The following LIMK1 variants were observed in gnomAD, a reference collection of about 807,000 sequenced individuals.
LIMK1 encodes LIM motif-containing protein kinase.
In LIMK1, 21 loss-of-function variants were observed where a neutral mutation model predicts 77.6. The ratio of observed to expected loss-of-function variants is 0.27; its 90% CI spans 0.19 to 0.39. The LOEUF is 0.39. Among genes scored for constraint, LIMK1 ranks in the 10% least tolerant of loss-of-function variants. The pLI is 1.00. For synonymous variants in LIMK1, 358 were observed against 370.0 expected, an observed-to-expected ratio of 0.97 and a Z score of 0.37; for missense variants, 696 against 901.6, an observed-to-expected ratio of 0.77 and a Z score of 2.92.
At position 74,106,947 on chromosome 7, in the gene LIMK1, G is replaced by A. The variant is rs781856715; in HGVS notation, c.882-63G>A. On this transcript the variant is annotated intron_variant, in intron 7 of 15. Transcript: ENST00000336180. ...GGCATGCAGGCAGGAGGAGGAAGGG[G>A]CAGGGCCTTGGCCGGGTGCTACCTG... 3.2e-5 allele frequency: 46 copies of A among 1,440,220 alleles called. 1 individual carries two copies. Among genetic ancestry groups the A allele is most frequent in the Non-Finnish European group, 4.1e-5 (44 of 1,074,870 alleles). 89.2% of individuals were successfully genotyped at this position (1,440,220 alleles called of 1,614,324 possible).
intron 2 of LIMK1, chr7:74,093,992 A>C (rs1799289247): frequency 6.6e-6 from 1 of 152,288 alleles, no homozygotes; most frequent in Non-Finnish European, 1.5e-5. Context: ...AGCCCCAGCC[A>C]CTGAGCCACC....
chr7:74,111,856 G>A, intron 11 of LIMK1, 77 bp from the exon 12 acceptor site: 12 of 1,463,466 alleles, frequency 8.2e-6, no homozygotes, highest in Non-Finnish European at 1.1e-5. Flanking sequence ...TGGGAGCAGA[G>A]GGAGTTCCTG....
intron 2 of LIMK1, among the ~76,000 whole-genome samples, chr7:74,088,988 A>G (rs1233548876): frequency 6.6e-6 from 1 of 152,110 alleles, no homozygotes; most frequent in African/African-American, 2.4e-5. Context: ...GAGGATGGAG[A>G]GAATTTCAGG....
rs781886096 is a variant in LIMK1, at chr7:74,111,737, C to T, written c.1344+30C>T. The T allele has an allele frequency of 3.1e-5, 49 of 1,601,796 alleles. 1 individual carries two copies. In the South Asian group the frequency reaches 3.2e-4, roughly 11 times the overall value. ...GTGAGCCGGGTGCTCTAGCTCCATTCATAATCCCACCAGGAATTTGCAAAC... is the reference window on the plus strand; with the variant it reads ...GTGAGCCGGGTGCTCTAGCTCCATTTATAATCCCACCAGGAATTTGCAAAC... On this transcript the variant is annotated intron_variant, in intron 11 of 15. Transcript: ENST00000336180.
intron 9 of LIMK1, among the ~76,000 whole-genome samples, chr7:74,108,511 G>T (rs1554698035): frequency 6.6e-6 from 1 of 151,940 alleles, no homozygotes; most frequent in African/African-American, 2.4e-5. Flanking sequence ...CCAGCATGAT[G>T]GTGGTGAGTG....
intron 2 of LIMK1, chr7:74,093,123 G>T (rs535832571): frequency 5.2e-4 from 752 of 1,437,504 alleles, no homozygotes; most frequent in Non-Finnish European, 6.6e-4. Context: ...CCTGTGCGCT[G>T]CAGCCACGCT....
At chr7:74,086,433 C>T (rs1205446166) in intron 2 of LIMK1, among the ~76,000 whole-genome samples, 1 of 152,152 alleles carries the variant, frequency 6.6e-6, no homozygotes, top group East Asian at 1.9e-4. Flanking sequence ...CATCTCGGCT[C>T]ATTGCAACCT....
intron 12 of LIMK1, among the ~76,000 whole-genome samples, chr7:74,114,466 G>A (rs549670722): frequency 2.4e-4 from 36 of 151,088 alleles, no homozygotes; most frequent in Non-Finnish European, 3.4e-4. Context: ...TGGGAGGATC[G>A]CTTGAGCCTG....
rs782484475 is a variant in LIMK1 at position 74,121,291 on chromosome 7, T to A, written c.1934T>A (p.Val645Asp). 2.5e-6 allele frequency: 4 copies of A among 1,598,808 alleles called. No homozygotes were observed. Among genetic ancestry groups the A allele is most frequent in the Non-Finnish European group, 3.4e-6 (4 of 1,174,814 alleles). The change falls in exon 16 of 16, where the codon GTC (valine) becomes GAC (aspartate). Residue 645 changes from valine (V) to aspartate (D), a missense_variant. Transcript: ENST00000336180. ...GESGLPAHPE[V>D]PD Reference sequence around the variant, plus strand: ...AGCGGACTGCCTGCCCACCCTGAGGTCCCCGACTGAGCCAGGGCCACTCAG... The same window carrying A: ...AGCGGACTGCCTGCCCACCCTGAGGACCCCGACTGAGCCAGGGCCACTCAG...
intron 3 of LIMK1, 85 bp downstream of exon 3, chr7:74,096,845 C>T: frequency 1.4e-6 from 2 of 1,469,352 alleles, no homozygotes; most frequent in Non-Finnish European, 9.2e-7. Flanking sequence ...CCATCATTGT[C>T]TCTCCTGGTC....
intron 13 of LIMK1, 97 bp from the exon 14 acceptor site, chr7:74,120,486 C>T (rs1316165154): frequency 3.6e-5 from 49 of 1,356,520 alleles, no homozygotes; most frequent in East Asian, 1.1e-4. Context: ...CTGGACCTCC[C>T]GGCCGGGGCA....
chr7:74,094,724 C>T (rs1554695302), intron 2 of LIMK1, among the ~76,000 whole-genome samples: 1 of 152,198 alleles, frequency 6.6e-6, no homozygotes, highest in African/African-American at 2.4e-5. Flanking sequence ...TCACCAACTT[C>T]CGTCCTCCGC....
intron 8 of LIMK1, 84 bp from the exon 9 acceptor site, chr7:74,107,787 C>T (rs1162997047): frequency 5.9e-6 from 6 of 1,012,122 alleles, no homozygotes; most frequent in Non-Finnish European, 4.6e-6. Context: ...ATCTCCCTGG[C>T]AGTCCTGGGG....
chr7:74,093,254 T>C (rs902512346), intron 2 of LIMK1: 2 of 1,536,014 alleles, frequency 1.3e-6, no homozygotes, highest in Non-Finnish European at 8.7e-7. Flanking sequence ...CAGAGGATGC[T>C]GTTGGCTTCA....
intron 10 of LIMK1, 115 bp from the exon 11 acceptor site, chr7:74,111,533 G>A (rs1258994547): frequency 1.3e-6 from 1 of 793,330 alleles, no homozygotes; most frequent in Non-Finnish European, 2.2e-6. Flanking sequence ...TCGGGGTGTT[G>A]GGGAGCCCAG....
chr7:74,111,902 T>C, intron 11 of LIMK1, 31 bp from the exon 12 acceptor site: 2 of 1,594,008 alleles, frequency 1.3e-6, no homozygotes, highest in Non-Finnish European at 1.7e-6. Context: ...TCTGCACAGC[T>C]GCCCCCTGAC....
intron 10 of LIMK1, 176 bp downstream of exon 10, chr7:74,109,212 A>G (rs781821247): frequency 1.6e-6 from 1 of 614,236 alleles, no homozygotes; most frequent in South Asian, 1.6e-5. Flanking sequence ...AAGCTAGGAA[A>G]GGCCAGGTAC....
intron 5 of LIMK1, among the ~76,000 whole-genome samples, chr7:74,099,529 G>A (rs1452952199): frequency 2.6e-5 from 4 of 152,108 alleles, no homozygotes; most frequent in African/African-American, 7.2e-5. Context: ...TCAGGAGTTC[G>A]AGACCAGCCT....
chr7:74,100,695 G>A (rs901922527), intron 5 of LIMK1, among the ~76,000 whole-genome samples: 12 of 151,552 alleles, frequency 7.9e-5, no homozygotes, highest in Admixed American at 7.9e-4. Flanking sequence ...GGGATTACAG[G>A]TGTGAGCCAC....
Sources: gnomAD v4.1 joint callset for allele counts (sites outside exome capture counted in the v4.1 genomes callset) on GRCh38, gnomAD v4.1.1 for gene constraint, MANE v1.5 for transcripts, NCBI Gene and HGNC (gene_info 2026-07-23, HGNC 2026-07-21) for gene names.